Variants in APP observed in about 807,000 individuals in gnomAD.
APP encodes the protein amyloid beta precursor protein, also known as amyloid-beta precursor protein.
A neutral mutation model predicts 101.4 loss-of-function variants in APP; 31 were observed. The observed-to-expected ratio is 0.31, with a 90% CI of 0.23 to 0.41. APP has a LOEUF of 0.41. Ranked by LOEUF, APP falls within the 10% of genes least tolerant of loss-of-function variation. APP has a pLI of 1.00. For synonymous variants in APP, 366 were observed against 364.4 expected, an observed-to-expected ratio of 1.00 and a Z score of -0.05; for missense variants, 839 against 1,003.7, an observed-to-expected ratio of 0.84 and a Z score of 2.22.
intron 5 of APP, among the ~76,000 whole-genome samples, chr21:26,038,733 C>A (rs2045240038): frequency 6.6e-6 from 1 of 152,112 alleles, no homozygotes; most frequent in South Asian, 2.1e-4. Context: ...CACTGCACTC[C>A]AGTCTGGGCG....
At chr21:26,139,906 A>G (rs2063003209) in intron 1 of APP, among the ~76,000 whole-genome samples, 1 of 151,820 alleles carries the variant, frequency 6.6e-6, no homozygotes, top group Admixed American at 6.6e-5. Flanking sequence ...AAACAAACAA[A>G]CAAACAAACA....
intron 3 of APP, among the ~76,000 whole-genome samples, chr21:26,059,684 T>C (rs2046188259): frequency 6.6e-6 from 1 of 151,234 alleles, no homozygotes; most frequent in Non-Finnish European, 1.5e-5. Context: ...AGGTCAGGAG[T>C]TCGAGACCAG....
At chr21:25,932,931 G>A (rs537284650) in intron 13 of APP, among the ~76,000 whole-genome samples, 16 of 152,078 alleles carry the variant, frequency 1.1e-4, no homozygotes, top group South Asian at 4.1e-4. Context: ...GAGCCTCTAC[G>A]TTAAGTACCA....
intron 9 of APP, 44 bp downstream of exon 9, chr21:25,982,300 T>A: frequency 6.2e-7 from 1 of 1,610,074 alleles, no homozygotes. Context: ...CAAGCTCAGG[T>A]TTCCCAATAT....
chr21:26,104,222 CTCCGA>C (rs58997584), intron 2 of APP, among the ~76,000 whole-genome samples: 101,096 of 151,386 alleles, frequency 0.67, 33,854 homozygotes, highest in South Asian at 0.77. Flanking sequence ...CGAATACCAT[CTCCGA>C]ATAGCCTGGG....
intron 15 of APP, among the ~76,000 whole-genome samples, chr21:25,899,181 C>T (rs1041113488): frequency 3.9e-5 from 6 of 152,200 alleles, no homozygotes; most frequent in African/African-American, 1.4e-4. Context: ...ATTTTCCTAT[C>T]CCTACCTTCC....
chr21:26,085,548 T>A (rs2061686816), intron 3 of APP, among the ~76,000 whole-genome samples: 1 of 152,160 alleles, frequency 6.6e-6, no homozygotes, highest in African/African-American at 2.4e-5. Flanking sequence ...ATCCTTAAAG[T>A]CTACAATAAA....
chr21:26,101,712 C>T (rs1225097865), intron 2 of APP, among the ~76,000 whole-genome samples: 2 of 152,168 alleles, frequency 1.3e-5, no homozygotes, highest in Non-Finnish European at 1.5e-5. Context: ...ATCTAATCTA[C>T]TCTTGGAAAC....
Position 26,112,099 on chromosome 21 carries a change from G to A in APP, c.105C>T (p.Ala35=). 6.2e-7 allele frequency: 1 copy of A among 1,614,066 alleles called. No homozygotes were observed. The highest frequency in any genetic ancestry group is 8.5e-7 in the Non-Finnish European group (1 of 1,179,980). Residue 35 remains alanine (A), a synonymous_variant, in exon 2 of 18, where the codon GCC becomes GCT. Transcript: ENST00000346798. ...GCATGTTCAGTCTGCCACAGAACAT[G>A]GCAATCTGGGGTTCAGCCAGCAGGC... is the stretch of plus-strand genomic sequence containing the variant. ...NAGLLAEPQI[A]MFCGRLNMHM...
At chr21:26,027,349 C>CGGTT (rs1390847106) in intron 5 of APP, among the ~76,000 whole-genome samples, 1 of 152,082 alleles carries the variant, frequency 6.6e-6, no homozygotes, top group East Asian at 1.9e-4. Context: ...GATAAACAGA[C>CGGTT]GGTTCTCCTT....
chr21:25,891,929 T>G, intron 16 of APP, 61 bp from the exon 17 acceptor site: 1 of 1,499,632 alleles, frequency 6.7e-7, no homozygotes. Flanking sequence ...TTACAATTTA[T>G]AAACGCAATT....
intron 1 of APP, among the ~76,000 whole-genome samples, chr21:26,121,795 A>G (rs2062577894): frequency 6.6e-6 from 1 of 152,240 alleles, no homozygotes; most frequent in African/African-American, 2.4e-5. Flanking sequence ...TGCACAAGTA[A>G]GTGCAAACTT....
intron 1 of APP, among the ~76,000 whole-genome samples, chr21:26,170,239 T>TC (rs1447560654): frequency 1.3e-5 from 2 of 151,946 alleles, no homozygotes; most frequent in African/African-American, 4.8e-5. Flanking sequence ...GTCTCTCGCC[T>TC]CCCCCGACCC....
chr21:26,055,238 G>A (rs1196498808), intron 3 of APP, among the ~76,000 whole-genome samples: 1 of 152,112 alleles, frequency 6.6e-6, no homozygotes, highest in East Asian at 1.9e-4. Flanking sequence ...CACATCACGG[G>A]TTCTTTTATA....
Position 26,146,695 on chromosome 21 carries a change from C to T in APP, c.57+23869G>A, listed in dbSNP as rs560167980. Among the ~76,000 whole-genome samples the T allele has an allele frequency of 3.3e-5, 5 of 152,256 alleles. No homozygotes were observed. In the East Asian group the frequency reaches 9.6e-4, roughly 29 times the overall value. On this transcript the variant is annotated intron_variant, in intron 1 of 17. Transcript: ENST00000346798. ...GCTGATCATTGCTGAGCATTCAGCG[C>T]ACTATTCTCTCTTGTGTATGTTTAA...
At chr21:25,905,130 T>C (rs182142845) in intron 14 of APP, 53 bp from the exon 15 acceptor site, 2 of 1,493,300 alleles carry the variant, frequency 1.3e-6, no homozygotes, top group South Asian at 2.3e-5. Flanking sequence ...ATCAAGATGG[T>C]AAGTCGTGGC....
intron 16 of APP, among the ~76,000 whole-genome samples, chr21:25,896,954 A>G (rs2038090627): frequency 6.6e-6 from 1 of 152,174 alleles, no homozygotes; most frequent in East Asian, 1.9e-4. Flanking sequence ...AAAACCAAGC[A>G]GTGTATGCAT....
rs114856606 is a variant in APP, at chr21:26,018,417, G to T, written c.865+3423C>A. Among the ~76,000 whole-genome samples the T allele has an allele frequency of 4.0e-3, 603 of 152,338 alleles. 7 individuals are homozygous for T. The highest frequency in any genetic ancestry group is 0.013 in the African/African-American group (561 of 41,576). ...TTGTAATTAGAGTTTTACAAAATGA[G>T]TAATCACCTATGGCGTTGCCATTGC... On this transcript the variant is annotated intron_variant, in intron 6 of 17. Coordinates refer to ENST00000346798, the MANE Select transcript of APP (RefSeq NM_000484.4).
intron 3 of APP, among the ~76,000 whole-genome samples, chr21:26,070,727 T>C (rs1439627539): frequency 6.6e-6 from 1 of 152,130 alleles, no homozygotes; most frequent in East Asian, 1.9e-4. Context: ...CATATATAAT[T>C]TGAGACTTTT....
Sources: gnomAD v4.1 joint callset for allele counts (sites outside exome capture counted in the v4.1 genomes callset) on GRCh38, gnomAD v4.1.1 for gene constraint, MANE v1.5 for transcripts, NCBI Gene and HGNC (gene_info 2026-07-23, HGNC 2026-07-21) for gene names.